The following STPG2 variants were observed in gnomAD, a reference collection of about 807,000 sequenced individuals.
The protein encoded by STPG2 is sperm tail PG-rich repeat containing 2.
STPG2 carries 56 observed loss-of-function variants against 54.2 expected under a neutral mutation model. The observed-to-expected ratio is 1.03, with a 90% confidence interval of 0.83 to 1.29. The LOEUF is 1.29. Among genes scored for constraint, STPG2 ranks in the 50% most tolerant of loss-of-function variants. The pLI, the probability that STPG2 is intolerant of heterozygous loss-of-function variation, is 0.00. For synonymous variants in STPG2, 200 were observed against 181.8 expected (o/e 1.10, Z -0.81); for missense variants, 596 against 544.9 (o/e 1.09, Z -0.93).
At chr4:97,947,521 A>G (rs1733280427) in intron 7 of STPG2, among the ~76,000 whole-genome samples, 1 of 152,104 alleles carries the variant, frequency 6.6e-6, no homozygotes, top group Admixed American at 6.5e-5. Flanking sequence ...TTCCTCATTC[A>G]ATATAATGTT....
chr4:97,451,592 A>G (rs1729366185), intron 4 of STPG2, among the ~76,000 whole-genome samples: 2 of 152,220 alleles, frequency 1.3e-5, no homozygotes, highest in Admixed American at 6.5e-5. Context: ...GAGATAAATA[A>G]CATAGTGAAA....
chr4:98,063,028 G>T (rs182867825), intron 5 of STPG2, among the ~76,000 whole-genome samples: 4 of 152,078 alleles, frequency 2.6e-5, no homozygotes, highest in African/African-American at 7.2e-5. Context: ...AGGATTACAG[G>T]CATGAGCCAG....
intron 4 of STPG2, among the ~76,000 whole-genome samples, chr4:97,541,592 A>G (rs956389188): frequency 2.0e-5 from 3 of 152,098 alleles, no homozygotes; most frequent in Non-Finnish European, 4.4e-5. Context: ...GCTACGAATG[A>G]TTTTCTTCAC....
intron 10 of STPG2, among the ~76,000 whole-genome samples, chr4:97,687,755 A>C (rs1436965033): frequency 6.6e-6 from 1 of 152,144 alleles, no homozygotes; most frequent in Non-Finnish European, 1.5e-5. Context: ...ATTAGAACTA[A>C]AAAGGGAACT....
chr4:97,913,945 CAT>C (rs1731774823), intron 8 of STPG2, among the ~76,000 whole-genome samples: 1 of 151,954 alleles, frequency 6.6e-6, no homozygotes, highest in African/African-American at 2.4e-5. Context: ...TCAGAAATAA[CAT>C]AAAATTATAA....
At chr4:97,984,071 A>AC (rs1734757078) in intron 5 of STPG2, among the ~76,000 whole-genome samples, 1 of 43,756 alleles carries the variant, frequency 2.3e-5, no homozygotes, top group African/African-American at 7.6e-5. Context: ...AACTTGTGAT[A>AC]TTCTAAGATA....
chr4:98,020,861 G>A (rs1338903525), intron 5 of STPG2, among the ~76,000 whole-genome samples: 1 of 152,100 alleles, frequency 6.6e-6, no homozygotes, highest in Non-Finnish European at 1.5e-5. Context: ...GATTGGTGGT[G>A]ATATCCCCTT....
chr4:97,463,192 T>A (rs1429187442), intron 4 of STPG2, among the ~76,000 whole-genome samples: 1 of 152,174 alleles, frequency 6.6e-6, no homozygotes, highest in East Asian at 1.9e-4. Flanking sequence ...TTCATCTCTT[T>A]ATCTTTTTGA....
intron 9 of STPG2, among the ~76,000 whole-genome samples, chr4:97,737,931 G>T (rs998344034): frequency 2.0e-5 from 3 of 152,116 alleles, no homozygotes; most frequent in Non-Finnish European, 4.4e-5. Flanking sequence ...AAGTTGAAAT[G>T]AAGGAAAAAA....
intron 4 of STPG2, among the ~76,000 whole-genome samples, chr4:97,511,560 A>C (rs1205243004): frequency 2.0e-5 from 3 of 152,066 alleles, no homozygotes; most frequent in African/African-American, 7.2e-5. Context: ...AAACAGAAAT[A>C]AACAACAACA....
At chr4:97,477,577 C>T (rs924825974) in intron 4 of STPG2, among the ~76,000 whole-genome samples, 10 of 150,240 alleles carry the variant, frequency 6.7e-5, no homozygotes, top group East Asian at 3.9e-4. Context: ...CCCAGGTTCA[C>T]GCCATCCTCC....
At chr4:97,773,946 T>C (rs1215075654) in intron 9 of STPG2, among the ~76,000 whole-genome samples, 1 of 151,644 alleles carries the variant, frequency 6.6e-6, no homozygotes, top group Non-Finnish European at 1.5e-5. Context: ...GCCCAGGGCT[T>C]CAAGTCCAAC....
chr4:97,958,556 C>T (rs531848214), intron 7 of STPG2, among the ~76,000 whole-genome samples: 8 of 152,260 alleles, frequency 5.3e-5, no homozygotes, highest in Non-Finnish European at 7.4e-5. Flanking sequence ...AAAGACACTC[C>T]ATGCAAATGA....
At chr4:97,452,738 C>T (rs1432236144) in intron 4 of STPG2, among the ~76,000 whole-genome samples, 1 of 152,150 alleles carries the variant, frequency 6.6e-6, no homozygotes. Context: ...GAGCAACCCA[C>T]TCCAGGGTCT....
chr4:97,796,554 G>A (rs1207604826), intron 9 of STPG2, among the ~76,000 whole-genome samples: 1 of 152,132 alleles, frequency 6.6e-6, no homozygotes, highest in Non-Finnish European at 1.5e-5. Context: ...TGTTCCACTG[G>A]TCTAGCTCTC....
intron 10 of STPG2, among the ~76,000 whole-genome samples, chr4:97,692,156 C>T (rs1464897293): frequency 2.0e-5 from 3 of 152,112 alleles, no homozygotes; most frequent in Non-Finnish European, 4.4e-5. Flanking sequence ...CACACAAGCT[C>T]ACCAGCAGTG....
chr4:97,730,040 C>T (rs573197406), intron 9 of STPG2, among the ~76,000 whole-genome samples: 8 of 152,142 alleles, frequency 5.3e-5, no homozygotes, highest in African/African-American at 1.7e-4. Flanking sequence ...GGTACATATG[C>T]GGATGTTACA....
At chr4:97,761,992 A>G (rs1425742607) in intron 9 of STPG2, among the ~76,000 whole-genome samples, 1 of 152,154 alleles carries the variant, frequency 6.6e-6, no homozygotes, top group Non-Finnish European at 1.5e-5. Context: ...TAGACTAGTC[A>G]CTATGGCAGA....
At chr4:97,698,635 C>T (rs1183026900) in intron 10 of STPG2, among the ~76,000 whole-genome samples, 1 of 152,122 alleles carries the variant, frequency 6.6e-6, no homozygotes, top group Non-Finnish European at 1.5e-5. Flanking sequence ...TCCACTTCCA[C>T]CCCTTGATTC....
Sources: allele counts gnomAD v4.1 joint callset (sites outside exome capture counted in the v4.1 genomes callset), GRCh38; gene constraint gnomAD v4.1.1; transcripts MANE v1.5; gene names NCBI Gene and HGNC (gene_info 2026-07-23, HGNC 2026-07-21).